FBXL7: variants seen among roughly 807,000 people sequenced by gnomAD.
The protein encoded by FBXL7 is F-box/LRR-repeat protein 7.
Under a neutral mutation model 38.3 loss-of-function variants are expected in FBXL7, and 12 were observed. The ratio of observed to expected loss-of-function variants is 0.31; its 90% CI spans 0.20 to 0.51. The LOEUF (loss-of-function observed/expected upper bound fraction) is 0.51. FBXL7 is among the 20% of genes least tolerant of loss of function. The pLI is 0.98. For synonymous variants in FBXL7, 297 were observed against 300.9 expected (o/e 0.99, Z 0.13); for missense variants, 567 against 676.4 (o/e 0.84, Z 1.79).
chr5:15,863,686 G>A (rs994824924), intron 2 of FBXL7, among the ~76,000 whole-genome samples: 2 of 152,226 alleles, frequency 1.3e-5, no homozygotes, highest in African/African-American at 2.4e-5. Context: ...GGGTCATGGA[G>A]ACAGAGCCCT....
intron 1 of FBXL7, among the ~76,000 whole-genome samples, chr5:15,509,545 C>T (rs1016861414): frequency 6.6e-6 from 1 of 152,156 alleles, no homozygotes; most frequent in Non-Finnish European, 1.5e-5. Context: ...CCCTGGACAA[C>T]GTCTTTAATT....
At chr5:15,629,670 C>T (rs919821809) in intron 2 of FBXL7, among the ~76,000 whole-genome samples, 1 of 152,152 alleles carries the variant, frequency 6.6e-6, no homozygotes, top group Non-Finnish European at 1.5e-5. Context: ...TATCATTCCT[C>T]CACTTGGTTG....
At chr5:15,746,106 G>C (rs961133919) in intron 2 of FBXL7, among the ~76,000 whole-genome samples, 1 of 152,158 alleles carries the variant, frequency 6.6e-6, no homozygotes, top group Non-Finnish European at 1.5e-5. Flanking sequence ...GAGTGTGGTA[G>C]AATGATACTA....
intron 2 of FBXL7, among the ~76,000 whole-genome samples, chr5:15,913,194 A>G (rs1285388265): frequency 6.6e-6 from 1 of 152,062 alleles, no homozygotes; most frequent in Non-Finnish European, 1.5e-5. Flanking sequence ...ACTTTATGTT[A>G]AAAGAAATTG....
rs745419090 is a variant in FBXL7 at position 15,500,663 on chromosome 5, A to G, written c.-14A>G. Reference sequence around the variant, plus strand: ...TGGAGTGTCCCGGGAGACGGCGGGCATGACGGCTACAGGATGGGCGCGAAC... The same window carrying G: ...TGGAGTGTCCCGGGAGACGGCGGGCGTGACGGCTACAGGATGGGCGCGAAC... On this transcript the variant is annotated 5_prime_UTR_variant, in exon 1 of 4. It removes an upstream start codon present in the reference 5' UTR. Coordinates refer to ENST00000504595, the MANE Select transcript of FBXL7 (RefSeq NM_012304.5). 26 of 1,613,326 alleles carry G rather than the reference A, an allele frequency of 1.6e-5. 1 individual carries two copies. In the South Asian group the frequency reaches 1.6e-4, roughly 10 times the overall value.
At chr5:15,541,443 G>GTGTGTGTGTGTATA (rs1264820921) in intron 1 of FBXL7, among the ~76,000 whole-genome samples, 1 of 38,426 alleles carries the variant, frequency 2.6e-5, no homozygotes, top group African/African-American at 9.4e-5. Context: ...GTGTGTGTGT[G>GTGTGTGTGTGTATA]TATATATATA....
intron 2 of FBXL7, among the ~76,000 whole-genome samples, chr5:15,852,116 T>C (rs191225540): frequency 6.6e-6 from 1 of 152,286 alleles, no homozygotes; most frequent in East Asian, 1.9e-4. Flanking sequence ...CAGTACATGC[T>C]AGATCATAGC....
intron 2 of FBXL7, among the ~76,000 whole-genome samples, chr5:15,691,964 T>C (rs1743195990): frequency 1.3e-5 from 2 of 152,122 alleles, no homozygotes; most frequent in Admixed American, 1.3e-4. Flanking sequence ...ACAGCAATCA[T>C]ATAAGACTGG....
intron 2 of FBXL7, among the ~76,000 whole-genome samples, chr5:15,891,065 T>C (rs1421475500): frequency 6.6e-6 from 1 of 152,212 alleles, no homozygotes; most frequent in Non-Finnish European, 1.5e-5. Context: ...TTTGTGGTAT[T>C]GTTGGTGCCA....
intron 1 of FBXL7, among the ~76,000 whole-genome samples, chr5:15,541,404 A>G (rs1204492701): frequency 7.4e-6 from 1 of 135,810 alleles, no homozygotes; most frequent in African/African-American, 2.8e-5. Context: ...ATCCATATAT[A>G]TGTGTATATA....
chr5:15,842,519 A>G (rs546767314), intron 2 of FBXL7, among the ~76,000 whole-genome samples: 3 of 152,282 alleles, frequency 2.0e-5, no homozygotes, highest in African/African-American at 7.2e-5. Flanking sequence ...TTGGGAAGGC[A>G]TGATTGGTTT....
At chr5:15,788,705 C>A (rs941868332) in intron 2 of FBXL7, among the ~76,000 whole-genome samples, 13 of 149,144 alleles carry the variant, frequency 8.7e-5, no homozygotes, top group African/African-American at 3.2e-4. Context: ...TTTTTTTTTT[C>A]TTTGACGGAG....
At chr5:15,924,150 T>A (rs1741818202) in intron 2 of FBXL7, among the ~76,000 whole-genome samples, 1 of 152,116 alleles carries the variant, frequency 6.6e-6, no homozygotes, top group Non-Finnish European at 1.5e-5. Context: ...CCAAAATTGG[T>A]TTATATTTAA....
At chr5:15,859,501 G>T (rs1211856850) in intron 2 of FBXL7, among the ~76,000 whole-genome samples, 1 of 152,110 alleles carries the variant, frequency 6.6e-6, no homozygotes, top group African/African-American at 2.4e-5. Flanking sequence ...AAAGGAAAGG[G>T]TTTTAATTGA....
chr5:15,747,415 G>T (rs1736043415), intron 2 of FBXL7, among the ~76,000 whole-genome samples: 1 of 152,156 alleles, frequency 6.6e-6, no homozygotes, highest in Non-Finnish European at 1.5e-5. Context: ...CAAAGTAAAA[G>T]TTGCATCAGG....
At chr5:15,850,219 AG>A (rs1230894359) in intron 2 of FBXL7, among the ~76,000 whole-genome samples, 1 of 152,258 alleles carries the variant, frequency 6.6e-6, no homozygotes, top group African/African-American at 2.4e-5. Context: ...AGGCAATCCA[AG>A]CAACAATAGG....
chr5:15,799,664 A>C (rs1737509618), intron 2 of FBXL7, among the ~76,000 whole-genome samples: 1 of 151,990 alleles, frequency 6.6e-6, no homozygotes, highest in Non-Finnish European at 1.5e-5. Context: ...GCCCTGCCAA[A>C]CCTCTTTCTA....
intron 2 of FBXL7, among the ~76,000 whole-genome samples, chr5:15,771,770 ATTTTTTTT>A (rs35138853): frequency 8.8e-6 from 1 of 113,292 alleles, no homozygotes; most frequent in Non-Finnish European, 1.8e-5. Flanking sequence ...GGATTAACAG[ATTTTTTTT>A]TTTTTTTTTT....
At chr5:15,863,524 T>G (rs556894876) in intron 2 of FBXL7, among the ~76,000 whole-genome samples, 2 of 152,252 alleles carry the variant, frequency 1.3e-5, no homozygotes, top group South Asian at 4.2e-4. Context: ...CTCACATTGG[T>G]GACAAAATTC....
Sources: allele counts gnomAD v4.1 joint callset (sites outside exome capture counted in the v4.1 genomes callset), GRCh38; gene constraint gnomAD v4.1.1; transcripts MANE v1.5; gene names NCBI Gene and HGNC (gene_info 2026-07-23, HGNC 2026-07-21).